Variants in ARHGEF10 observed in about 807,000 individuals in gnomAD.
ARHGEF10 encodes the protein Rho guanine nucleotide exchange factor (GEF) 10.
A neutral mutation model predicts 147.4 loss-of-function variants in ARHGEF10; 140 were observed. The ratio of observed to expected loss-of-function variants is 0.95; its 90% confidence interval spans 0.83 to 1.09. The LOEUF is 1.09. ARHGEF10 is among the 50% of genes least tolerant of loss of function. ARHGEF10 has a pLI of 0.00. For missense variants in ARHGEF10, 2,222 were observed against 1,752.7 expected, an observed-to-expected ratio of 1.27 and a Z score of -4.78; for synonymous variants, 902 against 695.8, an observed-to-expected ratio of 1.30 and a Z score of -4.67.
chr8:1,873,524 G>A (rs1807338991), intron 7 of ARHGEF10, among the ~76,000 whole-genome samples: 1 of 133,320 alleles, frequency 7.5e-6, no homozygotes, highest in Non-Finnish European at 1.6e-5. Context: ...AGAGGCGCCC[G>A]CGGGGTAGTG....
chr8:1,900,181 A>G (rs935303263), intron 15 of ARHGEF10, among the ~76,000 whole-genome samples: 1 of 152,196 alleles, frequency 6.6e-6, no homozygotes, highest in African/African-American at 2.4e-5. Context: ...GTAAGTAAGT[A>G]AGTAACTATT....
At chr8:1,915,688 T>G (rs570371362) in intron 18 of ARHGEF10, among the ~76,000 whole-genome samples, 1 of 152,240 alleles carries the variant, frequency 6.6e-6, no homozygotes, top group Non-Finnish European at 1.5e-5. Flanking sequence ...GGACAAACAC[T>G]GGTGTGAATT....
At chr8:1,917,727 A>G (rs181304413) in intron 18 of ARHGEF10, among the ~76,000 whole-genome samples, 3 of 152,102 alleles carry the variant, frequency 2.0e-5, no homozygotes, top group African/African-American at 4.8e-5. Context: ...CTGGAAGTCA[A>G]CTCTAACAAA....
chr8:1,911,613 G>A (rs1811360803), intron 18 of ARHGEF10, among the ~76,000 whole-genome samples: 1 of 152,204 alleles, frequency 6.6e-6, no homozygotes, highest in African/African-American at 2.4e-5. Flanking sequence ...TGCTGGGACT[G>A]GCAGGGCTTC....
chr8:1,864,542 G>A (rs1042979183), intron 5 of ARHGEF10, 106 bp downstream of exon 5: 15 of 1,203,238 alleles, frequency 1.2e-5, no homozygotes, highest in African/African-American at 4.5e-5. Flanking sequence ...TCAGCTCTGC[G>A]CGGCGGGAGC....
intron 1 of ARHGEF10, among the ~76,000 whole-genome samples, chr8:1,832,028 G>A (rs988630768): frequency 2.0e-5 from 3 of 152,200 alleles, no homozygotes; most frequent in African/African-American, 7.2e-5. Flanking sequence ...GGGGACAGGA[G>A]TCTGTGGAAT....
chr8:1,854,438 A>C (rs1010566600), intron 2 of ARHGEF10, among the ~76,000 whole-genome samples: 2 of 152,150 alleles, frequency 1.3e-5, no homozygotes, highest in Non-Finnish European at 2.9e-5. Flanking sequence ...TTTTTTTCTT[A>C]CTGGAACTGA....
chr8:1,841,826 TGGGG>T (rs2129049467), intron 1 of ARHGEF10, among the ~76,000 whole-genome samples: 1 of 95,078 alleles, frequency 1.1e-5, no homozygotes, highest in Non-Finnish European at 2.5e-5. Context: ...CGGCGGGAAC[TGGGG>T]CCGCGACGGG....
chr8:1,909,515 A>T (rs1165162027), intron 18 of ARHGEF10, 45 bp downstream of exon 18: 6 of 1,610,232 alleles, frequency 3.7e-6, no homozygotes, highest in Non-Finnish European at 4.2e-6. Context: ...GGCCAGGGTA[A>T]CTCTCACGTT....
chr8:1,933,042 T>G (rs1243092621), intron 25 of ARHGEF10, among the ~76,000 whole-genome samples: 2 of 152,250 alleles, frequency 1.3e-5, no homozygotes, highest in Admixed American at 1.3e-4. Context: ...TTATTGGTAT[T>G]CAAGGTAGCA....
At chr8:1,950,171 T>TC in intron 27 of ARHGEF10, among the ~76,000 whole-genome samples, 1 of 152,126 alleles carries the variant, frequency 6.6e-6, no homozygotes, top group Non-Finnish European at 1.5e-5. Context: ...TGCCCCTGCC[T>TC]CCCACCTCGC....
intron 1 of ARHGEF10, chr8:1,826,185 G>A: frequency 6.6e-7 from 1 of 1,509,852 alleles, no homozygotes; most frequent in Non-Finnish European, 9.0e-7. Flanking sequence ...ATTAGTTGTA[G>A]ACAGTTGGGG....
At chr8:1,874,788 G>C (rs553572238) in intron 7 of ARHGEF10, among the ~76,000 whole-genome samples, 76 of 148,516 alleles carry the variant, frequency 5.1e-4, no homozygotes, top group Non-Finnish European at 4.7e-4. Context: ...GGGCGTGTAG[G>C]GGGTAGAGGT....
At chr8:1,864,459 A>G in intron 5 of ARHGEF10, 23 bp downstream of exon 5, 1 of 1,609,122 alleles carries the variant, frequency 6.2e-7, no homozygotes, top group Non-Finnish European at 8.5e-7. Context: ...GTCTTCCCAC[A>G]CCTGCTGAAT....
rs1273811351 is a variant in ARHGEF10, at chr8:1,956,740, C to G, written c.3521-9C>G. On this transcript the variant is annotated splice_polypyrimidine_tract_variant and intron_variant, in intron 28 of 28. Transcript: ENST00000349830. ...TAAAAGACAGCTGTTGAACTGTTTC[C>G]CTTTTCAGGAAGAGGCATGGTCTCC... is the stretch of plus-strand genomic sequence containing the variant. 3.2e-5 allele frequency: 52 copies of G among 1,613,578 alleles called. No individual in the cohort carries two copies. Among genetic ancestry groups the G allele is most frequent in the Non-Finnish European group, 3.9e-5 (46 of 1,179,952 alleles).
chr8:1,859,110 T>G (rs1805861384), intron 3 of ARHGEF10, among the ~76,000 whole-genome samples: 1 of 137,124 alleles, frequency 7.3e-6, no homozygotes, highest in Admixed American at 7.6e-5. Flanking sequence ...CCTCTCTGCT[T>G]GCACGGTGTT....
chr8:1,851,261 C>G (rs113296579), intron 2 of ARHGEF10, among the ~76,000 whole-genome samples: 1 of 150,996 alleles, frequency 6.6e-6, no homozygotes, highest in Non-Finnish European at 1.5e-5. Flanking sequence ...CTCACGCACA[C>G]CGTGGGCTTT....
At chr8:1,857,822 A>C (rs1469642900) in intron 2 of ARHGEF10, 138 bp from the exon 3 acceptor site, 11 of 755,832 alleles carry the variant, frequency 1.5e-5, no homozygotes, top group Non-Finnish European at 2.2e-6. Context: ...GGTTAACTAC[A>C]AGCGCAGTAC....
chr8:1,876,774 G>A lies in ARHGEF10; in HGVS notation c.843+40G>A, dbSNP rs750326447. ...CACATGTGAGGGATGGTTCTCTCGCGTTAACACGGACAGGGGGCTGTGAAT... is the reference window on the plus strand; with the variant it reads ...CACATGTGAGGGATGGTTCTCTCGCATTAACACGGACAGGGGGCTGTGAAT... On this transcript the variant is annotated intron_variant, in intron 8 of 28. Transcript: ENST00000349830. 4.1e-5 allele frequency: 66 copies of A among 1,605,396 alleles called. 4 individuals are homozygous for A. In the South Asian group the frequency reaches 6.3e-4, roughly 15 times the overall value.
Sources: gnomAD v4.1 joint callset for allele counts (sites outside exome capture counted in the v4.1 genomes callset) on GRCh38, gnomAD v4.1.1 for gene constraint, MANE v1.5 for transcripts, NCBI Gene and HGNC (gene_info 2026-07-23, HGNC 2026-07-21) for gene names.